Variants in ASAP1 observed in about 807,000 individuals in gnomAD.
ASAP1 encodes ArfGAP with SH3 domain, ankyrin repeat and PH domain 1.
A neutral mutation model predicts 145.2 loss-of-function variants in ASAP1; 43 were observed. That is an observed-to-expected ratio of 0.30 (90% CI 0.23 to 0.38). ASAP1 has a LOEUF of 0.38. Ranked by LOEUF, ASAP1 falls within the 10% of genes least tolerant of loss-of-function variation. The probability of loss-of-function intolerance (pLI) is 1.00; values close to 1 mark genes in which losing one functional copy is unlikely to be tolerated. For missense variants in ASAP1, 1,018 were observed against 1,355.3 expected (o/e 0.75, Z 3.91); for synonymous variants, 546 against 515.5 (o/e 1.06, Z -0.80).
intron 5 of ASAP1, chr8:130,208,782 C>T (rs1258139609): frequency 5.9e-5 from 9 of 152,134 alleles, no homozygotes; most frequent in Admixed American, 5.2e-4. Flanking sequence ...ATGGGGCTCT[C>T]GGATAAGTCA....
intron 1 of ASAP1, among the ~76,000 whole-genome samples, chr8:130,427,189 C>A (rs942679055): frequency 1.5e-4 from 23 of 152,054 alleles, no homozygotes; most frequent in African/African-American, 5.3e-4. Flanking sequence ...AGCTGAGAAG[C>A]CTTTACCTGC....
intron 15 of ASAP1, among the ~76,000 whole-genome samples, chr8:130,128,529 T>C (rs1272589287): frequency 6.6e-6 from 1 of 152,202 alleles, no homozygotes; most frequent in African/African-American, 2.4e-5. Flanking sequence ...GCAAAAGGTA[T>C]GTATTTTCTG....
chr8:130,416,474 G>A (rs1015283596), intron 1 of ASAP1, among the ~76,000 whole-genome samples: 17 of 152,148 alleles, frequency 1.1e-4, no homozygotes, highest in Non-Finnish European at 2.4e-4. Flanking sequence ...CCCAGCTGCC[G>A]ACCAGTCAAC....
At chr8:130,244,102 C>G (rs1267195248) in intron 3 of ASAP1, among the ~76,000 whole-genome samples, 3 of 152,148 alleles carry the variant, frequency 2.0e-5, no homozygotes, top group Admixed American at 6.6e-5. Flanking sequence ...GTGTATAGAT[C>G]ACCCTGTTGT....
intron 26 of ASAP1, among the ~76,000 whole-genome samples, chr8:130,079,414 A>T (rs1163963993): frequency 2.6e-5 from 4 of 152,158 alleles, no homozygotes; most frequent in African/African-American, 9.7e-5. Flanking sequence ...CACTGCTGTC[A>T]GCCTAGCCTA....
intron 26 of ASAP1, among the ~76,000 whole-genome samples, 169 bp downstream of exon 26, chr8:130,079,733 G>A (rs1199903587): frequency 6.6e-6 from 1 of 152,094 alleles, no homozygotes; most frequent in Non-Finnish European, 1.5e-5. Flanking sequence ...CCAGTCACAA[G>A]ATGTGCATGC....
intron 27 of ASAP1, among the ~76,000 whole-genome samples, chr8:130,073,105 C>T (rs185522320): frequency 4.7e-3 from 707 of 150,678 alleles, no homozygotes; most frequent in Non-Finnish European, 6.4e-3. Context: ...GGATTATGGA[C>T]GAATACTTTG....
intron 12 of ASAP1, among the ~76,000 whole-genome samples, chr8:130,158,278 G>A (rs2097661927): frequency 6.6e-6 from 1 of 151,810 alleles, no homozygotes; most frequent in South Asian, 2.1e-4. Flanking sequence ...GGGGGACCAA[G>A]GTGGGAGAAT....
chr8:130,239,157 CTGTCATGCTGCA>C (rs1017341536), intron 3 of ASAP1, among the ~76,000 whole-genome samples: 1 of 152,080 alleles, frequency 6.6e-6, no homozygotes, highest in Admixed American at 6.6e-5. Context: ...TCTCACATAC[CTGTCATGCTGCA>C]TGTCATGCTT....
intron 4 of ASAP1, among the ~76,000 whole-genome samples, chr8:130,219,645 G>A (rs1244866378): frequency 6.6e-6 from 1 of 152,182 alleles, no homozygotes; most frequent in African/African-American, 2.4e-5. Flanking sequence ...TACAGTGGGA[G>A]TTAGGGTAAG....
At chr8:130,054,861 C>A in intron 29 of ASAP1, 56 bp from the exon 30 acceptor site, 1 of 1,430,210 alleles carries the variant, frequency 7.0e-7, no homozygotes, top group Non-Finnish European at 9.9e-7. Flanking sequence ...GGCCCCACGA[C>A]AAACCCAGTG....
intron 24 of ASAP1, among the ~76,000 whole-genome samples, chr8:130,108,878 C>A (rs985668220): frequency 1.4e-5 from 2 of 143,372 alleles, no homozygotes; most frequent in Non-Finnish European, 3.0e-5. Flanking sequence ...CAGGTTCAAG[C>A]GATTCTCCTG....
intron 24 of ASAP1, among the ~76,000 whole-genome samples, chr8:130,100,364 T>TTGTTGCCCAGGCTGGAG (rs1491504280): frequency 2.0e-5 from 3 of 151,848 alleles, no homozygotes; most frequent in Non-Finnish European, 4.4e-5. Flanking sequence ...AGTTTCACTC[T>TTGTTGCCCAGGCTGGAG]TGTTGCCCAG....
intron 3 of ASAP1, among the ~76,000 whole-genome samples, chr8:130,300,133 CACACACACACACACACACACAGAGAGAG>C (rs1411285085): frequency 8.5e-6 from 1 of 117,234 alleles, no homozygotes. Context: ...CACACACACA[CACACACACACACACACACACAGAGAGAG>C]AGAGAGAGAG....
intron 3 of ASAP1, among the ~76,000 whole-genome samples, chr8:130,276,461 T>C (rs938685452): frequency 2.0e-5 from 3 of 152,136 alleles, no homozygotes; most frequent in African/African-American, 7.2e-5. Context: ...AATCATGGAC[T>C]ACGAAGAACC....
chr8:130,265,943 G>A (rs1403755441), intron 3 of ASAP1, among the ~76,000 whole-genome samples: 1 of 152,200 alleles, frequency 6.6e-6, no homozygotes, highest in Non-Finnish European at 1.5e-5. Context: ...TCTGGATAAA[G>A]TATGGCTAAC....
At chr8:130,223,183 C>A (rs1817396085) in intron 4 of ASAP1, among the ~76,000 whole-genome samples, 2 of 152,196 alleles carry the variant, frequency 1.3e-5, no homozygotes, top group African/African-American at 4.8e-5. Context: ...TGAGAACACT[C>A]TCATAAATCC....
intron 1 of ASAP1, among the ~76,000 whole-genome samples, chr8:130,429,978 C>A (rs1429620742): frequency 1.3e-5 from 2 of 152,192 alleles, no homozygotes; most frequent in Admixed American, 6.5e-5. Flanking sequence ...GTAGATGGCT[C>A]CTGATTGCCC....
At chr8:130,193,381 CA>C (rs937540682) in intron 5 of ASAP1, among the ~76,000 whole-genome samples, 4 of 151,334 alleles carry the variant, frequency 2.6e-5, no homozygotes, top group African/African-American at 9.7e-5. Flanking sequence ...AAAAAAACCC[CA>C]AAAAACAAAA....
Sources: allele counts gnomAD v4.1 joint callset (sites outside exome capture counted in the v4.1 genomes callset), GRCh38; gene constraint gnomAD v4.1.1; transcripts MANE v1.5; gene names NCBI Gene and HGNC (gene_info 2026-07-23, HGNC 2026-07-21).